Variants in ADK observed in about 807,000 individuals in gnomAD.
ADK encodes N6,N6-dimethyladenosine kinase.
In ADK, 24 loss-of-function variants were observed where a neutral mutation model predicts 44.7. The observed-to-expected ratio is 0.54, with a 90% CI of 0.39 to 0.76. The LOEUF (loss-of-function observed/expected upper bound fraction) is 0.76. ADK is among the 30% of genes least tolerant of loss of function. ADK has a pLI of 0.00. For missense variants in ADK, 321 were observed against 425.1 expected (o/e 0.76, Z 2.15); for synonymous variants, 128 against 142.6 (o/e 0.90, Z 0.73).
intron 7 of ADK, among the ~76,000 whole-genome samples, chr10:74,543,811 A>G (rs949906671): frequency 1.3e-4 from 20 of 152,226 alleles, no homozygotes; most frequent in Non-Finnish European, 1.2e-4. Flanking sequence ...CAAGAACTAA[A>G]AAGTGATCAT....
chr10:74,263,307 A>C (rs1216773058), intron 3 of ADK, among the ~76,000 whole-genome samples: 3 of 152,178 alleles, frequency 2.0e-5, no homozygotes. Flanking sequence ...TTAGGCCTTC[A>C]CAAATTTGAT....
At chr10:74,386,264 T>A (rs981108354) in intron 4 of ADK, among the ~76,000 whole-genome samples, 4 of 152,220 alleles carry the variant, frequency 2.6e-5, no homozygotes, top group African/African-American at 9.6e-5. Flanking sequence ...GTTTTCTGTA[T>A]AAAATTTCAT....
intron 3 of ADK, among the ~76,000 whole-genome samples, chr10:74,258,054 C>A (rs893606680): frequency 6.6e-6 from 1 of 152,240 alleles, no homozygotes; most frequent in African/African-American, 2.4e-5. Flanking sequence ...TTGCTTCCTT[C>A]TTAATAAATT....
At position 74,166,344 on chromosome 10, in the gene ADK, G is replaced by A. The variant is rs1208134363; in HGVS notation, c.65+15001G>A. Among the ~76,000 whole-genome samples the A allele has an allele frequency of 2.0e-5, 3 of 152,190 alleles. No individual in the cohort carries two copies. In the East Asian group the frequency reaches 5.8e-4, roughly 29 times the overall value. ...ATTTATTAGTACTATTTTTTGAGAT[G>A]GGGTCTTACTTGGTTGCAGAGGCTG... On this transcript the variant is annotated intron_variant, in intron 1 of 10. Coordinates refer to ENST00000539909, the MANE Select transcript of ADK (RefSeq NM_006721.4).
At chr10:74,251,268 A>T (rs1278206331) in intron 3 of ADK, among the ~76,000 whole-genome samples, 1 of 152,174 alleles carries the variant, frequency 6.6e-6, no homozygotes, top group Non-Finnish European at 1.5e-5. Context: ...AGTGGAGGAG[A>T]TGCCTATTCA....
At chr10:74,307,602 T>G (rs1318664420) in intron 3 of ADK, among the ~76,000 whole-genome samples, 1 of 152,206 alleles carries the variant, frequency 6.6e-6, no homozygotes, top group Admixed American at 6.5e-5. Context: ...AAGTTCCATA[T>G]ATTATGTTTT....
At chr10:74,391,652 T>C (rs12772768) in intron 4 of ADK, among the ~76,000 whole-genome samples, 19,350 of 73,736 alleles carry the variant, frequency 0.26, 1,515 homozygotes, top group Middle Eastern at 0.35. Flanking sequence ...GGCAAGAATA[T>C]ACACACACAC....
chr10:74,524,892 G>A (rs1223162171), intron 6 of ADK, among the ~76,000 whole-genome samples: 4 of 152,140 alleles, frequency 2.6e-5, no homozygotes, highest in South Asian at 2.1e-4. Context: ...CAAACTGTTT[G>A]TAAGAAGCTA....
chr10:74,516,028 A>T (rs1481845609), intron 6 of ADK, among the ~76,000 whole-genome samples: 1 of 152,112 alleles, frequency 6.6e-6, no homozygotes, highest in African/African-American at 2.4e-5. Context: ...TCTCAAGATG[A>T]CGCCATGTTA....
chr10:74,653,740 CT>C (rs1280775527), intron 9 of ADK, among the ~76,000 whole-genome samples: 1 of 152,180 alleles, frequency 6.6e-6, no homozygotes, highest in Non-Finnish European at 1.5e-5. Flanking sequence ...GTGTTTATTG[CT>C]GTATTCCAAG....
intron 10 of ADK, among the ~76,000 whole-genome samples, chr10:74,707,971 T>C (rs1461437611): frequency 6.6e-6 from 1 of 151,832 alleles, no homozygotes; most frequent in Non-Finnish European, 1.5e-5. Context: ...GCCAGCATGG[T>C]GAAACCCCAT....
chr10:74,570,518 T>G (rs1424660900), intron 7 of ADK, among the ~76,000 whole-genome samples: 5 of 152,096 alleles, frequency 3.3e-5, no homozygotes, highest in African/African-American at 7.3e-5. Context: ...CCCTTGTAAG[T>G]TGGATTCCTA....
At chr10:74,353,529 C>G (rs1420321536) in intron 4 of ADK, among the ~76,000 whole-genome samples, 1 of 141,974 alleles carries the variant, frequency 7.0e-6, no homozygotes, top group African/African-American at 2.6e-5. Context: ...ACCAACGTAA[C>G]AAACCTGCAC....
chr10:74,297,807 A>G (rs1386685006), intron 3 of ADK, among the ~76,000 whole-genome samples: 1 of 152,174 alleles, frequency 6.6e-6, no homozygotes, highest in Non-Finnish European at 1.5e-5. Context: ...TCCTTTATGT[A>G]TTGTCTATGG....
At position 74,660,947 on chromosome 10, in the gene ADK, G is replaced by A. The variant is rs190389669; in HGVS notation, c.878-9236G>A. 1.1e-4 allele frequency among the ~76,000 whole-genome samples: 17 copies of A among 151,382 alleles called. No individual in the cohort carries two copies. In the East Asian group the frequency reaches 1.8e-3, roughly 16 times the overall value. ...CTCAGGAGGCTGAGGCAGAAGAATC[G>A]CTTGAACTCAGGAGGCGGAGGTTGC... On this transcript the variant is annotated intron_variant, in intron 9 of 10. Coordinates refer to ENST00000539909, the MANE Select transcript of ADK (RefSeq NM_006721.4).
chr10:74,568,639 CTT>C (rs79135944), intron 7 of ADK, among the ~76,000 whole-genome samples: 11 of 128,336 alleles, frequency 8.6e-5, no homozygotes, highest in Admixed American at 2.3e-4. Context: ...ATGGTTATTT[CTT>C]TTTTTTTTTT....
intron 4 of ADK, among the ~76,000 whole-genome samples, chr10:74,328,536 T>C (rs1341842654): frequency 6.6e-6 from 1 of 152,074 alleles, no homozygotes; most frequent in East Asian, 1.9e-4. Flanking sequence ...ATCCCCATAA[T>C]CCCCACATGT....
At chr10:74,257,125 A>G (rs1845852957) in intron 3 of ADK, among the ~76,000 whole-genome samples, 1 of 152,190 alleles carries the variant, frequency 6.6e-6, no homozygotes, top group Non-Finnish European at 1.5e-5. Flanking sequence ...AGGTTACTGA[A>G]CTTTATATTT....
chr10:74,498,756 A>G (rs373141083), intron 6 of ADK, among the ~76,000 whole-genome samples: 86 of 152,228 alleles, frequency 5.6e-4, no homozygotes, highest in African/African-American at 2.0e-3. Flanking sequence ...ATTCCCACCT[A>G]TGAGTGAGAA....
Sources: allele counts gnomAD v4.1 joint callset (sites outside exome capture counted in the v4.1 genomes callset), GRCh38; gene constraint gnomAD v4.1.1; transcripts MANE v1.5; gene names NCBI Gene and HGNC (gene_info 2026-07-23, HGNC 2026-07-21).